Variants in METTL17 observed in about 807,000 individuals in gnomAD.
The protein encoded by METTL17 is methyltransferase like 17, also known as ribosome assembly protein METTL17, mitochondrial.
METTL17 carries 49 observed loss-of-function variants against 59.4 expected under a neutral mutation model. The observed-to-expected ratio is 0.82, with a 90% confidence interval of 0.66 to 1.05. METTL17 has a LOEUF of 1.05. Ranked by LOEUF, METTL17 falls within the 50% of genes least tolerant of loss-of-function variation. METTL17 has a pLI of 0.00. For synonymous variants in METTL17, 208 were observed against 209.2 expected, an observed-to-expected ratio of 0.99 and a Z score of 0.05; for missense variants, 555 against 578.4, an observed-to-expected ratio of 0.96 and a Z score of 0.41.
At chr14:20,995,317 AT>A in intron 10 of METTL17, 84 bp downstream of exon 10, 1 of 1,199,300 alleles carries the variant, frequency 8.3e-7, no homozygotes, top group Non-Finnish European at 1.2e-6. Context: ...ACTGTCATGT[AT>A]TGACAAGGGT....
chr14:20,990,653 G>A (rs71642264), intron 3 of METTL17, 55 bp downstream of exon 3: 36,253 of 1,597,264 alleles, frequency 0.023, 741 homozygotes, highest in African/African-American at 0.093. Context: ...GGTTAGAAAT[G>A]AAGAGTAAGA....
rs1880108208 is a variant in METTL17, at chr14:20,992,817, A to C, written c.528+195A>C. On this transcript the variant is annotated intron_variant, in intron 5 of 13. Transcript: ENST00000339374. ...CTGAGGCAGGAGGATTGCTTGAGCC[A>C]GTTTGAGGCTGCAGTGAGCTGTGAT... 5 of 610,376 alleles carry C rather than the reference A, an allele frequency of 8.2e-6. No individual in the cohort carries two copies. The South Asian group carries it at 1.0e-4, about 12-fold the overall frequency. 37.8% of individuals were successfully genotyped at this position (610,376 alleles called of 1,614,324 possible).
chr14:20,992,941 C>A, intron 5 of METTL17, 177 bp from the exon 6 acceptor site: 1 of 631,148 alleles, frequency 1.6e-6, no homozygotes, highest in Non-Finnish European at 2.8e-6. Flanking sequence ...CTTTCTGTGA[C>A]CCAAGAAAGG....
chr14:20,996,639 A>G lies in METTL17; in HGVS notation c.1193A>G (p.His398Arg). 1.9e-6 allele frequency: 3 copies of G among 1,614,230 alleles called. No individual in the cohort carries two copies. Residue 398 changes from histidine to arginine, a missense_variant, in exon 13 of 14, where the codon CAT becomes CGT. Physicochemically the swap from His to Arg is conservative, Grantham distance 29 (BLOSUM62 0). Coordinates refer to ENST00000339374, the MANE Select transcript of METTL17 (RefSeq NM_022734.3). ...CAGCCTGTCCTTAAACGGCCTCGCC[A>G]TGTGCATTGTCACTTGTGCTGTCCA... ...ITQPVLKRPR[H>R]VHCHLCCPDG... is the part of the protein sequence containing the mutation.
At position 20,996,338 on chromosome 14, in the gene METTL17, A is replaced by T. The variant is rs571000971; in HGVS notation, c.1080+46A>T. 22 of 1,581,340 alleles carry T rather than the reference A, an allele frequency of 1.4e-5. No homozygotes were observed. The African/African-American group carries it at 3.0e-4, about 21-fold the overall frequency. On this transcript the variant is annotated intron_variant, in intron 12 of 13. Coordinates refer to ENST00000339374, the MANE Select transcript of METTL17 (RefSeq NM_022734.3). ...CAGCAGGAAGCAAACATCCTGGAAA[A>T]ACAGGAAGAAAAAGAATCAGAGTTA... is the stretch of plus-strand genomic sequence containing the variant.
intron 2 of METTL17, 33 bp downstream of exon 2, chr14:20,990,416 G>T: frequency 6.2e-7 from 1 of 1,613,798 alleles, no homozygotes; most frequent in Non-Finnish European, 8.5e-7. Context: ...GAAGAAACGG[G>T]ACTGGACCTA....
chr14:20,990,065 T>C lies in METTL17; in HGVS notation c.63T>C (p.Ala21=). The C allele has an allele frequency of 6.2e-7, 1 of 1,613,302 alleles. No individual in the cohort carries two copies. The highest frequency in any genetic ancestry group is 8.5e-7 in the Non-Finnish European group (1 of 1,179,992). The stretch of plus-strand genomic sequence containing the variant: ...GATGGTGCCCCGGCCTTGGAGTGGC[T>C]CCCCAGGCCCGGGTGAGTGCCTACA... The part of the protein sequence containing the change: ...LGRWCPGLGV[A]PQARALAALV... The change falls in exon 1 of 14, where the codon GCT becomes GCC. Residue 21 remains alanine, a synonymous_variant. Coordinates refer to ENST00000339374, the MANE Select transcript of METTL17 (RefSeq NM_022734.3).
intron 3 of METTL17, 73 bp from the exon 4 acceptor site, chr14:20,992,051 C>A: frequency 2.3e-6 from 3 of 1,330,702 alleles, no homozygotes; most frequent in South Asian, 1.2e-5. Flanking sequence ...ACTGGGTGGG[C>A]AGTATATTCA....
chr14:20,995,048 T>C, intron 9 of METTL17, 117 bp from the exon 10 acceptor site: 1 of 1,149,808 alleles, frequency 8.7e-7, no homozygotes, highest in South Asian at 1.3e-5. Flanking sequence ...CCTGATTATG[T>C]AATGCCTATT....
intron 12 of METTL17, 68 bp downstream of exon 12, chr14:20,996,360 G>A: frequency 6.5e-7 from 1 of 1,544,500 alleles, no homozygotes; most frequent in South Asian, 1.1e-5. Context: ...AAGAATCAGA[G>A]TTAGGAGGAG....
At chr14:20,995,358 A>T in intron 10 of METTL17, 125 bp downstream of exon 10, 1 of 819,258 alleles carries the variant, frequency 1.2e-6, no homozygotes, top group Non-Finnish European at 2.0e-6. Flanking sequence ...GTATGAAGTC[A>T]TTATGATACA....
chr14:20,996,844 C>T lies in METTL17; in HGVS notation c.1325C>T (p.Pro442Leu), dbSNP rs1229176147. Residue 442 changes from proline to leucine, a missense_variant, in exon 14 of 14, where the codon CCG (proline) becomes CTG (leucine). Transcript: ENST00000339374. ...SWGDLLPVLT[P>L]SAFPPSTAQD... is the part of the protein sequence containing the mutation. ...GGAGATCTTTTACCTGTGCTTACTC[C>T]GTCTGCGTTTCCTCCATCTACGGCT... 5 of 1,613,618 alleles carry T rather than the reference C, an allele frequency of 3.1e-6. No individual in the cohort carries two copies. Among genetic ancestry groups the T allele is most frequent in the Middle Eastern group, 1.6e-4 (1 of 6,084 alleles).
Position 20,996,842 on chromosome 14 carries a change from T to C in METTL17, c.1323T>C (p.Thr441=). 1 of 1,613,838 alleles carries C rather than the reference T, an allele frequency of 6.2e-7. No individual in the cohort carries two copies. The highest frequency in any genetic ancestry group is 1.1e-5 in the South Asian group (1 of 91,082). ...GGGGAGATCTTTTACCTGTGCTTACTCCGTCTGCGTTTCCTCCATCTACGG... is the reference window on the plus strand; with the variant it reads ...GGGGAGATCTTTTACCTGTGCTTACCCCGTCTGCGTTTCCTCCATCTACGG... ...SSWGDLLPVL[T]PSAFPPSTAQ... The change falls in exon 14 of 14, where the codon ACT becomes ACC. Residue 441 remains threonine, a synonymous_variant. Transcript: ENST00000339374.
At chr14:20,995,428 A>G (rs537790786) in intron 10 of METTL17, among the ~76,000 whole-genome samples, 195 bp downstream of exon 10, 4 of 152,254 alleles carry the variant, frequency 2.6e-5, no homozygotes, top group Non-Finnish European at 4.4e-5. Flanking sequence ...CTGTTTTTAT[A>G]TAAGCCATGC....
Position 20,995,209 on chromosome 14 carries a change from G to C in METTL17, c.921G>C (p.Met307Ile). ...NGTKAGHSLL[M>I]DARDLVLKGK... ...CAAAAGCTGGGCACAGCCTTCTCAT[G>C]GATGCCAGGGATCTGGTCCTTAAGG... is the stretch of plus-strand genomic sequence containing the variant. The change falls in exon 10 of 14, where the codon ATG becomes ATC. Residue 307 changes from methionine (M) to isoleucine (I), a missense_variant. Coordinates refer to ENST00000339374, the MANE Select transcript of METTL17 (RefSeq NM_022734.3). The C allele has an allele frequency of 6.2e-7, 1 of 1,614,152 alleles. No homozygotes were observed. Among genetic ancestry groups the C allele is most frequent in the Non-Finnish European group, 8.5e-7 (1 of 1,180,008 alleles).
chr14:20,990,295 G>C lies in METTL17; in HGVS notation c.141G>C (p.Arg47Ser). The C allele has an allele frequency of 6.2e-7, 1 of 1,614,244 alleles. No homozygotes were observed. The highest frequency in any genetic ancestry group is 8.5e-7 in the Non-Finnish European group (1 of 1,180,044). Residue 47 changes from arginine to serine, a missense_variant, in exon 2 of 14, where the codon AGG becomes AGC. Transcript: ENST00000339374. ...VDNKSGFLQK[R>S]PHRQHPGILK... ...ACAAGTCCGGTTTCCTGCAGAAGAGGCCTCATCGCCAGCACCCTGGCATCC... is the reference window on the plus strand; with the variant it reads ...ACAAGTCCGGTTTCCTGCAGAAGAGCCCTCATCGCCAGCACCCTGGCATCC...
rs777384688 is a variant in METTL17 at position 20,995,983 on chromosome 14, G to A, written c.996+32G>A. 1.8e-5 allele frequency: 29 copies of A among 1,611,586 alleles called. No homozygotes were observed. The African/African-American group carries it at 2.8e-4, about 16-fold the overall frequency. On this transcript the variant is annotated intron_variant, in intron 11 of 13. Coordinates refer to ENST00000339374, the MANE Select transcript of METTL17 (RefSeq NM_022734.3). ...ATTACTTCTGCCTGTCCCACCACAC[G>A]GATCTGAACTTAGGCGTGGCCGGGA...
rs1423916366 is a variant in METTL17, at chr14:20,995,157, G to A, written c.877-8G>A. 6.2e-7 allele frequency: 1 copy of A among 1,613,334 alleles called. No individual in the cohort carries two copies. The highest frequency in any genetic ancestry group is 8.5e-7 in the Non-Finnish European group (1 of 1,179,508). ...AGTCTTCTGCATATTTTCCCCTTTT[G>A]TGAACAGGTACTGGTGGAGAATGGA... On this transcript the variant is annotated splice_polypyrimidine_tract_variant and splice_region_variant and intron_variant, in intron 9 of 13. Transcript: ENST00000339374.
At chr14:20,995,139 T>C in intron 9 of METTL17, 26 bp from the exon 10 acceptor site, 1 of 1,605,848 alleles carries the variant, frequency 6.2e-7, no homozygotes, top group South Asian at 1.1e-5. Context: ...TCAAGTCTTC[T>C]GCATATTTTC....
Sources: allele counts gnomAD v4.1 joint callset (sites outside exome capture counted in the v4.1 genomes callset), GRCh38; gene constraint gnomAD v4.1.1; transcripts MANE v1.5; gene names NCBI Gene and HGNC (gene_info 2026-07-23, HGNC 2026-07-21).